Variants in IL7 observed in about 807,000 individuals in gnomAD.
IL7 encodes the protein interleukin-7.
Under a neutral mutation model 21.6 loss-of-function variants are expected in IL7, and 3 were observed. The observed-to-expected ratio is 0.14, with a 90% CI of 0.06 to 0.36. IL7 has a LOEUF of 0.36. IL7 is among the 10% of genes least tolerant of loss of function. IL7 has a pLI of 1.00. For synonymous variants in IL7, 62 were observed against 68.1 expected (o/e 0.91, Z 0.44); for missense variants, 175 against 200.2 (o/e 0.87, Z 0.76).
intron 2 of IL7, among the ~76,000 whole-genome samples, chr8:78,769,227 A>G (rs1259360508): frequency 6.6e-6 from 1 of 151,898 alleles, no homozygotes; most frequent in African/African-American, 2.4e-5. Context: ...TCAATTAGGA[A>G]AAGAGGAAGT....
chr8:78,761,710 T>C, intron 2 of IL7: 6 of 1,611,920 alleles, frequency 3.7e-6, no homozygotes, highest in Non-Finnish European at 8.5e-7. Context: ...CACAGATCTC[T>C]AGCATCTGCC....
intron 2 of IL7, among the ~76,000 whole-genome samples, chr8:78,753,534 A>G (rs1263166510): frequency 6.6e-6 from 1 of 151,986 alleles, no homozygotes; most frequent in East Asian, 1.9e-4. Flanking sequence ...TAACCTGTTC[A>G]CTCTGATTAT....
At chr8:78,697,548 A>G (rs1413870496) in intron 3 of IL7, 2 of 1,470,448 alleles carry the variant, frequency 1.4e-6, no homozygotes, top group Non-Finnish European at 1.9e-6. Context: ...TTTTGAAACC[A>G]TGTTGGCAGA....
rs980788702 is a variant in IL7 at position 78,761,134 on chromosome 8, A to C, written c.148-21052T>G. ...GTTCCACTAAAATTTCAAAAGCATC[A>C]TGCCTCCCTGTCCACTGAGAATGGC... is the stretch of plus-strand genomic sequence containing the variant. On this transcript the variant is annotated intron_variant, in intron 2 of 5. Coordinates refer to ENST00000263851, the MANE Select transcript of IL7 (RefSeq NM_000880.4). 1.9e-6 allele frequency: 3 copies of C among 1,596,824 alleles called. No individual in the cohort carries two copies. The African/African-American group carries it at 4.0e-5, about 22-fold the overall frequency.
At chr8:78,752,929 AT>A (rs969609541) in intron 2 of IL7, among the ~76,000 whole-genome samples, 17 of 152,068 alleles carry the variant, frequency 1.1e-4, no homozygotes, top group African/African-American at 4.1e-4. Flanking sequence ...TGAACTCATT[AT>A]TTTTTATGGC....
At chr8:78,750,823 C>CA (rs1334006041) in intron 2 of IL7, among the ~76,000 whole-genome samples, 3 of 151,324 alleles carry the variant, frequency 2.0e-5, no homozygotes, top group Admixed American at 6.6e-5. Context: ...GACTCCGTCT[C>CA]AAAAAAAGAA....
intron 2 of IL7, chr8:78,762,131 T>C (rs1332581095): frequency 6.3e-7 from 1 of 1,596,572 alleles, no homozygotes; most frequent in Non-Finnish European, 8.6e-7. Flanking sequence ...TCGTTTTCTG[T>C]GTCTACTATG....
intron 2 of IL7, chr8:78,761,128 A>G: frequency 6.3e-7 from 1 of 1,593,952 alleles, no homozygotes; most frequent in Non-Finnish European, 8.5e-7. Context: ...AAATTTCAAA[A>G]GCATCATGCC....
intron 1 of IL7, among the ~76,000 whole-genome samples, chr8:78,799,627 G>A (rs1020124991): frequency 9.2e-5 from 14 of 151,634 alleles, no homozygotes. Flanking sequence ...CATGTGTCAG[G>A]AACTTTATAT....
intron 2 of IL7, among the ~76,000 whole-genome samples, chr8:78,795,345 A>G (rs1308535134): frequency 6.6e-6 from 1 of 152,076 alleles, no homozygotes; most frequent in Non-Finnish European, 1.5e-5. Context: ...CCTCAAATTT[A>G]TCACCTTCTA....
intron 3 of IL7, chr8:78,712,242 A>G: frequency 2.6e-6 from 1 of 385,040 alleles, no homozygotes; most frequent in Non-Finnish European, 4.4e-6. Context: ...AAATGTGTCA[A>G]ATAATCTAGG....
intron 2 of IL7, among the ~76,000 whole-genome samples, chr8:78,794,224 C>T (rs1486652994): frequency 1.3e-5 from 2 of 152,088 alleles, no homozygotes; most frequent in Non-Finnish European, 2.9e-5. Flanking sequence ...GGTTTCAATT[C>T]TTTGCCCAGA....
rs758119987 is a variant in IL7, at chr8:78,798,084, G to A, written c.135C>T (p.Ile45=). ...KQYESVLMVS[I]DQLLDSMKEI... ...AATAATCACATACCAATAATTGATCGATGCTGACCATTAGAACACTCTCAT... is the reference window on the plus strand; with the variant it reads ...AATAATCACATACCAATAATTGATCAATGCTGACCATTAGAACACTCTCAT... Residue 45 remains isoleucine (I), a synonymous_variant, in exon 2 of 6, where the codon ATC becomes ATT. Coordinates refer to ENST00000263851, the MANE Select transcript of IL7 (RefSeq NM_000880.4). The A allele has an allele frequency of 3.7e-6, 6 of 1,600,830 alleles. No individual in the cohort carries two copies. The highest frequency in any genetic ancestry group is 2.2e-5 in the East Asian group (1 of 44,672).
chr8:78,750,976 CAGAA>C (rs917806579), intron 2 of IL7, among the ~76,000 whole-genome samples: 2 of 150,718 alleles, frequency 1.3e-5, no homozygotes, highest in Non-Finnish European at 3.0e-5. Flanking sequence ...AGATCAAAAA[CAGAA>C]AGAAAATATG....
intron 2 of IL7, among the ~76,000 whole-genome samples, chr8:78,755,887 T>C (rs529537738): frequency 6.6e-6 from 1 of 151,990 alleles, no homozygotes; most frequent in Non-Finnish European, 1.5e-5. Flanking sequence ...GTGGTAAAAG[T>C]GGGCATCCTT....
intron 3 of IL7, among the ~76,000 whole-genome samples, chr8:78,694,578 A>G (rs1810336446): frequency 6.6e-6 from 1 of 152,178 alleles, no homozygotes; most frequent in African/African-American, 2.4e-5. Flanking sequence ...TTTGGCCTGG[A>G]AATTTCTTTT....
chr8:78,758,821 C>T (rs1477749412), intron 2 of IL7, among the ~76,000 whole-genome samples: 2 of 151,994 alleles, frequency 1.3e-5, no homozygotes, highest in African/African-American at 4.8e-5. Flanking sequence ...TTTAATGTGC[C>T]TTGGAGAACA....
chr8:78,785,248 A>T (rs2583762), intron 2 of IL7, among the ~76,000 whole-genome samples: 42,555 of 151,904 alleles, frequency 0.28, 7,978 homozygotes, highest in African/African-American at 0.53. Context: ...TGTGGAAAAA[A>T]TTTCCTCTAT....
chr8:78,724,983 T>A (rs928633236), intron 3 of IL7, among the ~76,000 whole-genome samples: 9 of 152,118 alleles, frequency 5.9e-5, no homozygotes, highest in Admixed American at 1.3e-4. Flanking sequence ...ATTTGTGATG[T>A]ATTTCAAATC....
Sources: gnomAD v4.1 joint callset for allele counts (sites outside exome capture counted in the v4.1 genomes callset) on GRCh38, gnomAD v4.1.1 for gene constraint, MANE v1.5 for transcripts, NCBI Gene and HGNC (gene_info 2026-07-23, HGNC 2026-07-21) for gene names.